PCBP3: variants seen among roughly 807,000 people sequenced by gnomAD.
PCBP3 encodes the protein poly(rC)-binding protein 3.
Under a neutral mutation model 52.7 loss-of-function variants are expected in PCBP3, and 25 were observed. That is an observed-to-expected ratio of 0.47 (90% confidence interval 0.35 to 0.66). The LOEUF is 0.66. Ranked by LOEUF, PCBP3 falls within the 30% of genes least tolerant of loss-of-function variation. The pLI is 0.01. For missense variants in PCBP3, 391 were observed against 490.3 expected, an observed-to-expected ratio of 0.80 and a Z score of 1.91; for synonymous variants, 162 against 183.0, an observed-to-expected ratio of 0.89 and a Z score of 0.93.
In PCBP3 at chr21:45,900,639, C is replaced by T; in HGVS notation, c.222+16C>T. On this transcript the variant is annotated intron_variant, in intron 8 of 17. Coordinates refer to ENST00000681687, the MANE Select transcript of PCBP3 (RefSeq NM_001384156.1). ...GCGTGAGGAGGTGAGTGTGGTGGGT[C>T]CCCACCTGTCCGCAGCCATTCCCGG... is the stretch of plus-strand genomic sequence containing the variant. 6.3e-7 allele frequency: 1 copy of T among 1,575,114 alleles called. No homozygotes were observed. Among genetic ancestry groups the T allele is most frequent in the South Asian group, 1.1e-5 (1 of 90,306 alleles).
At chr21:45,834,603 G>A (rs764295046) in intron 4 of PCBP3, among the ~76,000 whole-genome samples, 1 of 152,228 alleles carries the variant, frequency 6.6e-6, no homozygotes, top group Non-Finnish European at 1.5e-5. Flanking sequence ...CACGAGTGCT[G>A]CACTGTGAGG....
chr21:45,691,032 AT>A (rs996408865), intron 2 of PCBP3, among the ~76,000 whole-genome samples: 3 of 152,162 alleles, frequency 2.0e-5, no homozygotes, highest in Non-Finnish European at 4.4e-5. Context: ...CCACAAAAAA[AT>A]GAAAGTATAT....
At position 45,665,228 on chromosome 21, in the gene PCBP3, C is replaced by T. The variant is rs536361636; in HGVS notation, c.-278-3646C>T. ...ACTGCCCTGGGTAACATGATGAGAC[C>T]CCATATCTACAAAAAAATAAAAATA... On this transcript the variant is annotated intron_variant, in intron 1 of 17. Coordinates refer to ENST00000681687, the MANE Select transcript of PCBP3 (RefSeq NM_001384156.1). Among the ~76,000 whole-genome samples the T allele has an allele frequency of 4.0e-5, 6 of 151,644 alleles. No individual in the cohort carries two copies. In the East Asian group the frequency reaches 1.2e-3, roughly 30 times the overall value.
rs1339631525 is a variant in PCBP3, at chr21:45,904,748, A to C, written c.339+3635A>C. On this transcript the variant is annotated intron_variant, in intron 9 of 17. Coordinates refer to ENST00000681687, the MANE Select transcript of PCBP3 (RefSeq NM_001384156.1). The surrounding 1 kb of genome is among the most constrained non-coding windows in gnomAD (Gnocchi z 4.8). ...CCAGTCCCAAGTGAACACTGGTTAAAATCTACCTGAAGGTGCTCAGAGGGC... is the reference window on the plus strand; with the variant it reads ...CCAGTCCCAAGTGAACACTGGTTAACATCTACCTGAAGGTGCTCAGAGGGC... 6.6e-6 allele frequency among the ~76,000 whole-genome samples: 1 copy of C among 152,176 alleles called. No homozygotes were observed. Among genetic ancestry groups the C allele is most frequent in the Non-Finnish European group, 1.5e-5 (1 of 68,026 alleles).
At chr21:45,708,463 T>C (rs749734989) in intron 2 of PCBP3, among the ~76,000 whole-genome samples, 4 of 152,208 alleles carry the variant, frequency 2.6e-5, no homozygotes, top group Non-Finnish European at 5.9e-5. Context: ...GCAACACCAC[T>C]GTTTTGCTGC....
At chr21:45,887,823 C>T (rs141526939) in intron 5 of PCBP3, among the ~76,000 whole-genome samples, 180 of 152,314 alleles carry the variant, frequency 1.2e-3, no homozygotes, top group Non-Finnish European at 2.0e-3. Context: ...CTAAGCTTCC[C>T]GGAGAGCCCT....
chr21:45,672,410 C>A lies in PCBP3; in HGVS notation c.-200+3458C>A, dbSNP rs115760958. Reference sequence around the variant, plus strand: ...CTTAGGGGTTAGGGGCTGCAAGATCCCACAGCCTGCTTTCTGCTTGTGGAA... The same window carrying A: ...CTTAGGGGTTAGGGGCTGCAAGATCACACAGCCTGCTTTCTGCTTGTGGAA... On this transcript the variant is annotated intron_variant, in intron 2 of 17. Coordinates refer to ENST00000681687, the MANE Select transcript of PCBP3 (RefSeq NM_001384156.1). Among the ~76,000 whole-genome samples the A allele has an allele frequency of 3.0e-3, 450 of 152,036 alleles. 1 individual carries two copies. Among genetic ancestry groups the A allele is most frequent in the African/African-American group, 0.01 (415 of 41,476 alleles).
At chr21:45,722,418 T>C (rs963995342) in intron 2 of PCBP3, among the ~76,000 whole-genome samples, 1 of 152,258 alleles carries the variant, frequency 6.6e-6, no homozygotes, top group African/African-American at 2.4e-5. Flanking sequence ...AATGAATGTA[T>C]ATCACTTTTA....
At chr21:45,932,082 A>T (rs989186988) in intron 15 of PCBP3, among the ~76,000 whole-genome samples, 12 of 151,950 alleles carry the variant, frequency 7.9e-5, no homozygotes, top group African/African-American at 2.2e-4. Context: ...CACCTGGGCC[A>T]TGCCATCCTG....
chr21:45,914,368 G>A (rs551673437), intron 12 of PCBP3: 32 of 493,946 alleles, frequency 6.5e-5, no homozygotes, highest in African/African-American at 1.4e-4. Flanking sequence ...TACGTCTCAC[G>A]TTGGAAACAG....
intron 5 of PCBP3, among the ~76,000 whole-genome samples, chr21:45,855,241 C>T (rs567591781): frequency 4.6e-5 from 7 of 152,296 alleles, no homozygotes; most frequent in South Asian, 4.1e-4. Context: ...TGGAGCTTCC[C>T]GACTGCAGGA....
chr21:45,667,839 C>A (rs1411817591), intron 1 of PCBP3, among the ~76,000 whole-genome samples: 1 of 152,048 alleles, frequency 6.6e-6, no homozygotes, highest in Non-Finnish European at 1.5e-5. Context: ...GTTGTTGCTG[C>A]TGCTTGTTAT....
intron 2 of PCBP3, among the ~76,000 whole-genome samples, chr21:45,708,262 TCTC>T (rs2083589557): frequency 6.6e-6 from 1 of 152,082 alleles, no homozygotes; most frequent in Admixed American, 6.6e-5. Flanking sequence ...GGTGCTCTGG[TCTC>T]CTGAAGGTAT....
At chr21:45,812,407 GTGT>G (rs1485239403) in intron 4 of PCBP3, among the ~76,000 whole-genome samples, 1 of 152,080 alleles carries the variant, frequency 6.6e-6, no homozygotes, top group Non-Finnish European at 1.5e-5. Context: ...CCTTAACATT[GTGT>G]TGTTGTCGTT....
chr21:45,826,511 G>A (rs1194051246), intron 4 of PCBP3, among the ~76,000 whole-genome samples: 1 of 152,202 alleles, frequency 6.6e-6, no homozygotes, highest in Non-Finnish European at 1.5e-5. Flanking sequence ...GTGACGTGAA[G>A]CAGATGCGTG....
intron 4 of PCBP3, among the ~76,000 whole-genome samples, chr21:45,758,744 C>T (rs567279866): frequency 6.6e-6 from 1 of 151,934 alleles, no homozygotes; most frequent in African/African-American, 2.4e-5. Flanking sequence ...TTTTACTTCT[C>T]TTAGGGTACT....
Position 45,849,943 on chromosome 21 carries a change from T to C in PCBP3, c.-125-18T>C, listed in dbSNP as rs981743706. ...CTGCACTGGTGCGCTCACACAGCCCTGTGTTTTTGTGTTTTAGGTCGGTAG... is the reference window on the plus strand; with the variant it reads ...CTGCACTGGTGCGCTCACACAGCCCCGTGTTTTTGTGTTTTAGGTCGGTAG... On this transcript the variant is annotated intron_variant, in intron 4 of 17. Transcript: ENST00000681687. 23 of 756,942 alleles carry C rather than the reference T, an allele frequency of 3.0e-5. No homozygotes were observed. Among genetic ancestry groups the C allele is most frequent in the Non-Finnish European group, 5.4e-5 (23 of 428,888 alleles). The allele number at this position is 756,942 out of a possible 1,614,324, so 46.9% of individuals were successfully genotyped here.
chr21:45,842,091 T>C lies in PCBP3; in HGVS notation c.-125-7870T>C, dbSNP rs2093710763. ...ATTTGTGTTTTGCTTTGGGCAGTTT[T>C]CTTCCAGGCGATTCTCTGTGCAGAA... On this transcript the variant is annotated intron_variant, in intron 4 of 17. Coordinates refer to ENST00000681687, the MANE Select transcript of PCBP3 (RefSeq NM_001384156.1). Among the ~76,000 whole-genome samples the C allele has an allele frequency of 3.3e-5, 5 of 152,250 alleles. No individual in the cohort carries two copies. The South Asian group carries it at 1.0e-3, about 31-fold the overall frequency.
chr21:45,857,357 C>G (rs758634969), intron 5 of PCBP3, among the ~76,000 whole-genome samples: 1 of 152,078 alleles, frequency 6.6e-6, no homozygotes, highest in Non-Finnish European at 1.5e-5. Context: ...GCATGACTCC[C>G]CAGAACCCTT....
Sources: gnomAD v4.1 joint callset for allele counts (sites outside exome capture counted in the v4.1 genomes callset) on GRCh38, gnomAD v4.1.1 for gene constraint, Gnocchi (gnomAD v3.1) non-coding constraint, MANE v1.5 for transcripts, NCBI Gene and HGNC (gene_info 2026-07-23, HGNC 2026-07-21) for gene names.